The following CDKN2B-AS1 variants were observed in gnomAD, a reference collection of about 807,000 sequenced individuals.
CDKN2B-AS1 encodes the protein CDKN2B and CDKN2A antisense cis and trans regulatory RNA 1, also known as CDKN2B antisense RNA 1 (non-protein coding).
rs1399364439 is a variant in CDKN2B-AS1, at chr9:21,999,973, A to G, written n.29+4812A>G. On this transcript the variant is annotated intron_variant and non_coding_transcript_variant, in intron 1 of 4. Transcript: ENST00000650946. The surrounding 1 kb of genome is among the most constrained non-coding windows in gnomAD (Gnocchi z 4.7). ...GGAAGGATAATTAAATATTTGTAAT[A>G]GTGGTTACCTTTGGGTAGTAAGAAT... is the stretch of plus-strand genomic sequence containing the variant. 6.6e-6 allele frequency among the ~76,000 whole-genome samples: 1 copy of G among 152,162 alleles called. No homozygotes were observed. Among genetic ancestry groups the G allele is most frequent in the Non-Finnish European group, 1.5e-5 (1 of 68,004 alleles).
chr9:22,022,749 T>A (rs1822066159), intron 1 of CDKN2B-AS1, among the ~76,000 whole-genome samples: 1 of 152,264 alleles, frequency 6.6e-6, no homozygotes, highest in Non-Finnish European at 1.5e-5. Context: ...AGTGTGTTTT[T>A]ATAGTGACTG....
chr9:22,066,249 T>A (rs1355550081), intron 4 of CDKN2B-AS1: 2 of 152,130 alleles, frequency 1.3e-5, no homozygotes, highest in Non-Finnish European at 2.9e-5. Flanking sequence ...GGTCTCACTC[T>A]GTCACCCAGG....
intron 4 of CDKN2B-AS1, among the ~76,000 whole-genome samples, chr9:22,116,185 T>C (rs1423316609): frequency 6.6e-6 from 1 of 152,248 alleles, no homozygotes; most frequent in African/African-American, 2.4e-5. Context: ...TTATGCAATG[T>C]GTGATGAGAC....
chr9:22,036,193 T>C (rs1327811720), intron 1 of CDKN2B-AS1, among the ~76,000 whole-genome samples: 1 of 152,124 alleles, frequency 6.6e-6, no homozygotes, highest in Non-Finnish European at 1.5e-5. Flanking sequence ...TTTTCTCCTT[T>C]TGAATTGAAA....
At chr9:22,126,814 A>C (rs1020951960) in intron 4 of CDKN2B-AS1, among the ~76,000 whole-genome samples, 4 of 152,152 alleles carry the variant, frequency 2.6e-5, no homozygotes, top group East Asian at 1.9e-4. Context: ...CCTCGTGATC[A>C]GCCCGCCTCG....
chr9:22,109,928 C>T (rs66735603), intron 4 of CDKN2B-AS1, among the ~76,000 whole-genome samples: 8,518 of 152,084 alleles, frequency 0.056, 614 homozygotes, highest in African/African-American at 0.17. Context: ...TAAACACCAA[C>T]AATAGGATCC....
At chr9:22,070,938 C>T (rs1380129602) in intron 4 of CDKN2B-AS1, among the ~76,000 whole-genome samples, 2 of 152,046 alleles carry the variant, frequency 1.3e-5, no homozygotes, top group African/African-American at 4.8e-5. Flanking sequence ...GAGTAGCTGT[C>T]AGTTATCTTG....
At chr9:22,103,167 G>GTGTGTT (rs1260237284) in intron 4 of CDKN2B-AS1, among the ~76,000 whole-genome samples, 1 of 146,564 alleles carries the variant, frequency 6.8e-6, no homozygotes, top group African/African-American at 2.7e-5. Context: ...GTGTGTGTGT[G>GTGTGTT]TGTGTGTGTG....
intron 4 of CDKN2B-AS1, among the ~76,000 whole-genome samples, chr9:22,109,615 G>C (rs1825751726): frequency 6.6e-6 from 1 of 152,128 alleles, no homozygotes; most frequent in Admixed American, 6.6e-5. Context: ...AAATGTATTC[G>C]ATGCTGGTGA....
chr9:22,047,091 T>G (rs1219113477), intron 2 of CDKN2B-AS1, among the ~76,000 whole-genome samples: 1 of 152,122 alleles, frequency 6.6e-6, no homozygotes, highest in Non-Finnish European at 1.5e-5. Context: ...GTGATACAGG[T>G]AAACTCATGA....
At chr9:22,054,119 A>G (rs1314715036) in intron 3 of CDKN2B-AS1, among the ~76,000 whole-genome samples, 2 of 152,208 alleles carry the variant, frequency 1.3e-5, no homozygotes, top group Non-Finnish European at 2.9e-5. Context: ...CAATTTATAC[A>G]CACTATCTCA....
chr9:22,061,020 C>A (rs754240861), intron 4 of CDKN2B-AS1, among the ~76,000 whole-genome samples: 1 of 152,130 alleles, frequency 6.6e-6, no homozygotes, highest in Non-Finnish European at 1.5e-5. Flanking sequence ...TATCACTATA[C>A]CACAAGTTTT....
chr9:22,051,530 T>A (rs1407269825), intron 3 of CDKN2B-AS1, among the ~76,000 whole-genome samples: 1 of 152,350 alleles, frequency 6.6e-6, no homozygotes, highest in South Asian at 2.1e-4. Context: ...CTAATCTACC[T>A]GAATTTTCTT....
rs755706403 is a variant in CDKN2B-AS1 at position 21,997,338 on chromosome 9, T to A, written n.29+2177T>A. ...TAGGAATTTTTCACATCCATTATAA[T>A]CTTATGGGACACCACCAATATGTGA... On this transcript the variant is annotated intron_variant and non_coding_transcript_variant, in intron 1 of 4. Coordinates refer to ENST00000650946, the Ensembl canonical transcript of CDKN2B-AS1. This position sits in a 1 kb window ranked among gnomAD's most constrained non-coding sequence, Gnocchi z 4.8. Among the ~76,000 whole-genome samples, 1 of 152,166 alleles carries A rather than the reference T, an allele frequency of 6.6e-6. No homozygotes were observed. Among genetic ancestry groups the A allele is most frequent in the Non-Finnish European group, 1.5e-5 (1 of 68,030 alleles).
At chr9:22,126,697 C>T (rs767957144) in intron 4 of CDKN2B-AS1, among the ~76,000 whole-genome samples, 1 of 151,684 alleles carries the variant, frequency 6.6e-6, no homozygotes, top group Non-Finnish European at 1.5e-5. Context: ...CTCAGCCTCC[C>T]GAGTAGCTGG....
chr9:22,032,858 G>A (rs1272237686), intron 1 of CDKN2B-AS1: 1 of 151,506 alleles, frequency 6.6e-6, no homozygotes, highest in Non-Finnish European at 1.5e-5. Flanking sequence ...ACAGACTGTG[G>A]CCCTAGTGTA....
At chr9:22,023,806 T>G (rs77838162) in intron 1 of CDKN2B-AS1, among the ~76,000 whole-genome samples, 1,738 of 152,320 alleles carry the variant, frequency 0.011, 21 homozygotes, top group African/African-American at 0.025. Context: ...TTCTTCTGTA[T>G]TCTAGCTTTT....
At chr9:22,028,541 T>G (rs1270790475) in intron 1 of CDKN2B-AS1, among the ~76,000 whole-genome samples, 1 of 152,156 alleles carries the variant, frequency 6.6e-6, no homozygotes, top group Non-Finnish European at 1.5e-5. Flanking sequence ...GATTTTAATG[T>G]TGACACCCTA....
chr9:22,009,318 G>C (rs1466527254), intron 1 of CDKN2B-AS1: 5 of 421,154 alleles, frequency 1.2e-5, no homozygotes, highest in African/African-American at 8.2e-5. Context: ...GGAGCCAGCC[G>C]GCAAAGAATT....
Sources: gnomAD v4.1 joint callset for allele counts (sites outside exome capture counted in the v4.1 genomes callset) on GRCh38, gnomAD v4.1.1 for gene constraint, Gnocchi (gnomAD v3.1) non-coding constraint, MANE v1.5 for transcripts, NCBI Gene and HGNC (gene_info 2026-07-23, HGNC 2026-07-21) for gene names.